The following ETFA variants were observed in gnomAD, a reference collection of about 807,000 sequenced individuals.
ETFA encodes the protein electron transfer flavoprotein subunit alpha, also known as electron transfer flavoprotein subunit alpha, mitochondrial.
Under a neutral mutation model 46.2 loss-of-function variants are expected in ETFA, and 22 were observed. That is an observed-to-expected ratio of 0.48 (90% confidence interval 0.34 to 0.68). The LOEUF is 0.68. Among genes scored for constraint, ETFA ranks in the 30% least tolerant of loss-of-function variants. The pLI is 0.01. For synonymous variants in ETFA, 131 were observed against 139.9 expected, an observed-to-expected ratio of 0.94 and a Z score of 0.45; for missense variants, 345 against 401.1, an observed-to-expected ratio of 0.86 and a Z score of 1.19.
intron 9 of ETFA, chr15:76,274,110 A>G: frequency 2.8e-6 from 1 of 356,666 alleles, no homozygotes; most frequent in Non-Finnish European, 5.2e-6. Context: ...ATGTGAACTT[A>G]TAAATCTGAG....
chr15:76,272,612 T>C lies in ETFA; in HGVS notation c.816+1800A>G, dbSNP rs570056333. Among the ~76,000 whole-genome samples, 8 of 152,156 alleles carry C rather than the reference T, an allele frequency of 5.3e-5. No individual in the cohort carries two copies. In the East Asian group the frequency reaches 7.7e-4, roughly 15 times the overall value. ...CCTACAGATGTCTACTTATGTAAAA[T>C]TGAAAGATTTCCACAAATAATGTGT... is the stretch of plus-strand genomic sequence containing the variant. On this transcript the variant is annotated intron_variant, in intron 9 of 11. Coordinates refer to ENST00000557943, the MANE Select transcript of ETFA (RefSeq NM_000126.4).
In ETFA at chr15:76,295,586, C is replaced by A; in HGVS notation, c.186+5G>T. On this transcript the variant is annotated splice_donor_5th_base_variant and intron_variant, in intron 2 of 11. Coordinates refer to ENST00000557943, the MANE Select transcript of ETFA (RefSeq NM_000126.4). ...TTGCTATGGCTGACCTTAAAAATTT[C>A]TCACCTTGTCACATTTGGTTCCAGC... 1 of 1,612,868 alleles carries A rather than the reference C, an allele frequency of 6.2e-7. No homozygotes were observed. The highest frequency in any genetic ancestry group is 8.5e-7 in the Non-Finnish European group (1 of 1,178,944).
intron 11 of ETFA, among the ~76,000 whole-genome samples, chr15:76,219,906 T>C (rs973549824): frequency 1.3e-5 from 2 of 152,188 alleles, no homozygotes; most frequent in Non-Finnish European, 2.9e-5. Context: ...GCAACTTCTA[T>C]GGAAAGCAGT....
intron 9 of ETFA, among the ~76,000 whole-genome samples, chr15:76,243,444 A>G (rs1418692628): frequency 6.6e-6 from 1 of 152,048 alleles, no homozygotes; most frequent in Non-Finnish European, 1.5e-5. Context: ...TACATTAAAA[A>G]TAATAAGGAA....
rs768049088 is a variant in ETFA, at chr15:76,292,606, T to C, written c.268+13A>G. ...ATTTAGACACTACATTTTTTTCTAC[T>C]GGAAAACCTCACCTGGAAGTAGGCC... On this transcript the variant is annotated intron_variant, in intron 3 of 11. Coordinates refer to ENST00000557943, the MANE Select transcript of ETFA (RefSeq NM_000126.4). The C allele has an allele frequency of 3.1e-6, 5 of 1,609,882 alleles. No homozygotes were observed. The South Asian group carries it at 5.5e-5, about 18-fold the overall frequency.
intron 9 of ETFA, among the ~76,000 whole-genome samples, chr15:76,245,855 TG>T (rs1208395603): frequency 6.6e-6 from 1 of 152,178 alleles, no homozygotes; most frequent in Non-Finnish European, 1.5e-5. Context: ...AAGTATTAAA[TG>T]GAAACTACCA....
intron 1 of ETFA, among the ~76,000 whole-genome samples, chr15:76,300,746 G>A (rs377710438): frequency 7.2e-4 from 110 of 152,102 alleles, no homozygotes; most frequent in Non-Finnish European, 1.2e-3. Context: ...ATTTTATGGC[G>A]TGATCTACCT....
chr15:76,268,943 T>A (rs895245215), intron 9 of ETFA, among the ~76,000 whole-genome samples: 3 of 152,230 alleles, frequency 2.0e-5, no homozygotes, highest in African/African-American at 7.2e-5. Context: ...TCACCCTTGA[T>A]ATTGTAAAAC....
At chr15:76,228,435 C>T (rs752882166) in intron 10 of ETFA, among the ~76,000 whole-genome samples, 1 of 152,174 alleles carries the variant, frequency 6.6e-6, no homozygotes, top group Non-Finnish European at 1.5e-5. Flanking sequence ...ATCCTCCTGC[C>T]TTGGCCTCCC....
At chr15:76,276,828 T>C (rs2039597641) in intron 8 of ETFA, among the ~76,000 whole-genome samples, 1 of 152,228 alleles carries the variant, frequency 6.6e-6, no homozygotes, top group Admixed American at 6.5e-5. Flanking sequence ...TCTAGCCCTC[T>C]GCTTATATTG....
At chr15:76,259,644 G>T in intron 9 of ETFA, 1 of 903,216 alleles carries the variant, frequency 1.1e-6, no homozygotes, top group Non-Finnish European at 1.9e-6. Context: ...CAATTTGGAG[G>T]CACAGCCCTA....
At chr15:76,243,619 C>G (rs910942918) in intron 9 of ETFA, among the ~76,000 whole-genome samples, 11 of 151,826 alleles carry the variant, frequency 7.2e-5, no homozygotes, top group African/African-American at 2.7e-4. Flanking sequence ...GCCAACGTGG[C>G]GAAACCCCGC....
At position 76,292,567 on chromosome 15, in the gene ETFA, T is replaced by C. The variant is rs149328076; in HGVS notation, c.268+52A>G. On this transcript the variant is annotated intron_variant, in intron 3 of 11. Transcript: ENST00000557943. ...ATATTTTGAAATACTTTCATATTCA[T>C]ATATTCAAGCGTAATTTAGACACTA... 2.6e-4 allele frequency: 405 copies of C among 1,582,968 alleles called. 1 individual carries two copies. Among genetic ancestry groups the C allele is most frequent in the African/African-American group, 2.4e-3 (175 of 74,454 alleles).
chr15:76,247,678 C>T (rs145750217), intron 9 of ETFA, among the ~76,000 whole-genome samples: 140 of 152,260 alleles, frequency 9.2e-4, no homozygotes, highest in African/African-American at 3.2e-3. Flanking sequence ...TTTCTCATTG[C>T]TTATTTACAT....
chr15:76,279,738 T>C (rs1212811429), intron 8 of ETFA, among the ~76,000 whole-genome samples: 6 of 152,238 alleles, frequency 3.9e-5, no homozygotes, highest in African/African-American at 1.4e-4. Context: ...TGATCAATTT[T>C]TTCCCCCCTC....
intron 10 of ETFA, chr15:76,231,113 C>T (rs1157008995): frequency 3.8e-6 from 2 of 523,370 alleles, no homozygotes; most frequent in South Asian, 4.7e-5. Context: ...AGCAGTGGAG[C>T]TATAACTCAG....
intron 9 of ETFA, chr15:76,259,233 C>T: frequency 1.9e-6 from 3 of 1,555,066 alleles, no homozygotes; most frequent in Non-Finnish European, 2.7e-6. Context: ...CTCCTTGGCT[C>T]TCTCGATGTT....
chr15:76,269,075 T>C (rs1455900208), intron 9 of ETFA, among the ~76,000 whole-genome samples: 4 of 151,888 alleles, frequency 2.6e-5, no homozygotes, highest in Admixed American at 6.6e-5. Context: ...TTAAGGCCAT[T>C]GGAAGCTCTA....
At chr15:76,294,013 A>T (rs2039794191) in intron 2 of ETFA, among the ~76,000 whole-genome samples, 1 of 152,240 alleles carries the variant, frequency 6.6e-6, no homozygotes, top group Non-Finnish European at 1.5e-5. Flanking sequence ...CATTATACAG[A>T]AGAATAACTT....
Sources: allele counts gnomAD v4.1 joint callset (sites outside exome capture counted in the v4.1 genomes callset), GRCh38; gene constraint gnomAD v4.1.1; transcripts MANE v1.5; gene names NCBI Gene and HGNC (gene_info 2026-07-23, HGNC 2026-07-21).